The following STAC variants were observed in gnomAD, a reference collection of about 807,000 sequenced individuals.
STAC encodes the protein SH3 and cysteine rich domain, also known as SH3 and cysteine-rich domain-containing protein.
In STAC, 43 loss-of-function variants were observed where a neutral mutation model predicts 48.8. That is an observed-to-expected ratio of 0.88 (90% CI 0.69 to 1.14). STAC has a LOEUF of 1.14. Among genes scored for constraint, STAC ranks in the 50% most tolerant of loss-of-function variants. The pLI is 0.00. For missense variants in STAC, 497 were observed against 504.0 expected (o/e 0.99, Z 0.13); for synonymous variants, 193 against 179.5 (o/e 1.07, Z -0.60).
rs73830353 is a variant in STAC, at chr3:36,428,700, T to C, written c.112-14664T>C. On this transcript the variant is annotated intron_variant, in intron 1 of 10. Transcript: ENST00000273183. ...GTCAGAACAACAGGGGTGAAGGCCC[T>C]GACGTAGCAGTTTTCTGGTGTGTTT... 4.1e-3 allele frequency among the ~76,000 whole-genome samples: 617 copies of C among 152,262 alleles called. 5 individuals are homozygous for C. Among genetic ancestry groups the C allele is most frequent in the African/African-American group, 0.013 (543 of 41,556 alleles).
At chr3:36,496,224 A>G (rs114857310) in intron 6 of STAC, among the ~76,000 whole-genome samples, 3,533 of 152,290 alleles carry the variant, frequency 0.023, 76 homozygotes, top group Middle Eastern at 0.068. Context: ...TTTCTCTACA[A>G]TGCACCCTGA....
At chr3:36,486,493 A>C (rs1015687935) in intron 5 of STAC, among the ~76,000 whole-genome samples, 1 of 152,046 alleles carries the variant, frequency 6.6e-6, no homozygotes, top group Non-Finnish European at 1.5e-5. Context: ...ATGCTCCTTG[A>C]CCCTTCCCAT....
chr3:36,503,332 A>C (rs1201886812), intron 6 of STAC, among the ~76,000 whole-genome samples: 1 of 152,212 alleles, frequency 6.6e-6, no homozygotes, highest in Non-Finnish European at 1.5e-5. Context: ...ACCAAACTAG[A>C]TAAGGCAGAA....
intron 10 of STAC, among the ~76,000 whole-genome samples, chr3:36,536,326 C>T (rs1017152785): frequency 7.2e-5 from 11 of 152,102 alleles, no homozygotes; most frequent in South Asian, 2.1e-4. Context: ...GGAGGCATCC[C>T]GCTACCTGGC....
intron 1 of STAC, among the ~76,000 whole-genome samples, chr3:36,433,738 C>G (rs532996253): frequency 6.6e-6 from 1 of 152,324 alleles, no homozygotes; most frequent in East Asian, 1.9e-4. Context: ...TGAGCTCATC[C>G]TCTATATTTA....
At chr3:36,401,023 G>T (rs1699990200) in intron 1 of STAC, among the ~76,000 whole-genome samples, 1 of 152,162 alleles carries the variant, frequency 6.6e-6, no homozygotes, top group Non-Finnish European at 1.5e-5. Flanking sequence ...CTTGGTTAAA[G>T]AAGGCAAAGG....
chr3:36,501,817 A>G (rs1383139040), intron 6 of STAC, among the ~76,000 whole-genome samples: 1 of 152,224 alleles, frequency 6.6e-6, no homozygotes, highest in African/African-American at 2.4e-5. Flanking sequence ...TTATGAGGCT[A>G]GAAATATACT....
At chr3:36,492,039 T>A (rs1299596397) in intron 5 of STAC, among the ~76,000 whole-genome samples, 1,515 of 27,230 alleles carry the variant, frequency 0.056, 55 homozygotes, top group East Asian at 0.11. Context: ...AAAATATATA[T>A]ATATATATAT....
chr3:36,410,308 T>A (rs1700168213), intron 1 of STAC, among the ~76,000 whole-genome samples: 1 of 152,218 alleles, frequency 6.6e-6, no homozygotes, highest in Non-Finnish European at 1.5e-5. Flanking sequence ...GGTATGTGTG[T>A]CTATATCCCA....
chr3:36,477,278 T>C (rs545485780), intron 2 of STAC, among the ~76,000 whole-genome samples: 8 of 152,318 alleles, frequency 5.3e-5, no homozygotes, highest in East Asian at 1.9e-4. Context: ...TCTTTTCTTA[T>C]ACAAGTTTAT....
chr3:36,510,853 T>C (rs1195854490), intron 8 of STAC, among the ~76,000 whole-genome samples: 1 of 152,100 alleles, frequency 6.6e-6, no homozygotes, highest in Non-Finnish European at 1.5e-5. Flanking sequence ...AAATACCTAA[T>C]GTAGATGACG....
chr3:36,442,072 T>C (rs1489425742), intron 1 of STAC, among the ~76,000 whole-genome samples: 1 of 152,200 alleles, frequency 6.6e-6, no homozygotes, highest in Non-Finnish European at 1.5e-5. Context: ...TCAGTGGGGA[T>C]AGTGCCATGC....
At chr3:36,385,710 T>C (rs954381716) in intron 1 of STAC, among the ~76,000 whole-genome samples, 2 of 152,146 alleles carry the variant, frequency 1.3e-5, no homozygotes, top group African/African-American at 4.8e-5. Context: ...TCTAACAACA[T>C]AAATTATTTG....
intron 6 of STAC, among the ~76,000 whole-genome samples, chr3:36,500,720 T>C (rs930171544): frequency 2.0e-5 from 3 of 152,180 alleles, no homozygotes; most frequent in Non-Finnish European, 4.4e-5. Context: ...CTGACCACAG[T>C]GCAAATTAGA....
chr3:36,529,903 C>T (rs895613482), intron 10 of STAC, among the ~76,000 whole-genome samples: 45 of 152,208 alleles, frequency 3.0e-4, no homozygotes, highest in African/African-American at 1.1e-3. Flanking sequence ...GGGCAGATCA[C>T]GAGGTCAAGA....
intron 8 of STAC, among the ~76,000 whole-genome samples, chr3:36,520,592 G>T (rs1698776850): frequency 1.3e-5 from 2 of 152,172 alleles, no homozygotes; most frequent in Admixed American, 1.3e-4. Flanking sequence ...CTTGGCAAAT[G>T]CATCAACTTA....
chr3:36,454,629 G>T (rs1696799060), intron 2 of STAC, among the ~76,000 whole-genome samples: 1 of 152,102 alleles, frequency 6.6e-6, no homozygotes. Flanking sequence ...TGACTATTAA[G>T]AATGAGAAAG....
chr3:36,405,693 T>A (rs1700075224), intron 1 of STAC, among the ~76,000 whole-genome samples: 1 of 152,182 alleles, frequency 6.6e-6, no homozygotes, highest in Admixed American at 6.5e-5. Flanking sequence ...GTTTCTTGCT[T>A]CCATTTCTTT....
intron 8 of STAC, among the ~76,000 whole-genome samples, chr3:36,506,655 GC>G (rs1391509487): frequency 1.3e-5 from 2 of 152,132 alleles, no homozygotes; most frequent in Non-Finnish European, 2.9e-5. Flanking sequence ...TCCCTTGTAA[GC>G]TGGATTCCTA....
Sources: gnomAD v4.1 joint callset for allele counts (sites outside exome capture counted in the v4.1 genomes callset) on GRCh38, gnomAD v4.1.1 for gene constraint, MANE v1.5 for transcripts, NCBI Gene and HGNC (gene_info 2026-07-23, HGNC 2026-07-21) for gene names.